PYHIN1: variants seen among roughly 807,000 people sequenced by gnomAD.
PYHIN1 encodes the protein pyrin and HIN domain-containing protein 1.
A neutral mutation model predicts 43.7 loss-of-function variants in PYHIN1; 32 were observed. That is an observed-to-expected ratio of 0.73 (90% CI 0.55 to 0.98). The LOEUF (loss-of-function observed/expected upper bound fraction) is 0.98, where lower values mean the gene tolerates loss of function less well. PYHIN1 is among the 50% of genes least tolerant of loss of function. The pLI is 0.00. For missense variants in PYHIN1, 588 were observed against 589.5 expected (o/e 1.00, Z 0.03); for synonymous variants, 205 against 203.1 (o/e 1.01, Z -0.08).
rs541088329 is a variant in PYHIN1 at position 158,966,352 on chromosome 1, G to A, written c.1360-7295G>A. On this transcript the variant is annotated intron_variant, in intron 7 of 8. Transcript: ENST00000368140. ...AACTATTCAAAAAACTGGGGAGGAG[G>A]GACTCCTCTCCAATTCATTCTATGA... is the stretch of plus-strand genomic sequence containing the variant. 1.4e-4 allele frequency among the ~76,000 whole-genome samples: 22 copies of A among 152,082 alleles called. 1 individual carries two copies. The South Asian group carries it at 4.6e-3, about 31-fold the overall frequency.
chr1:158,986,229 G>T, the PYHIN1 span, among the ~76,000 whole-genome samples: 1 of 152,164 alleles, frequency 6.6e-6, no homozygotes, highest in South Asian at 2.1e-4. Context: ...ATCTGTGTGG[G>T]CTAATATTTT....
intron 7 of PYHIN1, among the ~76,000 whole-genome samples, chr1:158,970,934 A>G (rs1010173975): frequency 6.6e-6 from 1 of 152,050 alleles, no homozygotes; most frequent in African/African-American, 2.4e-5. Flanking sequence ...CCAAGCTAAT[A>G]AAGATAATTA....
At position 158,944,935 on chromosome 1, in the gene PYHIN1, C is replaced by A. The variant is rs1335727051; in HGVS notation, c.1252C>A (p.Gln418Lys). The A allele has an allele frequency of 3.7e-6, 6 of 1,613,636 alleles. No individual in the cohort carries two copies. The highest frequency in any genetic ancestry group is 5.1e-6 in the Non-Finnish European group (6 of 1,179,790). Residue 418 changes from glutamine to lysine, a missense_variant, in exon 7 of 9, where the codon CAG becomes AAG. Transcript: ENST00000368140. ...DSRSMALPQE[Q>K]SQHPKPSEAS... Reference sequence around the variant, plus strand: ...CAGGAGCATGGCACTACCCCAGGAACAGAGTCAGCATCCAAAACCTTCAGA... The same window carrying A: ...CAGGAGCATGGCACTACCCCAGGAAAAGAGTCAGCATCCAAAACCTTCAGA...
chr1:158,936,034 A>C (rs1299911138), intron 1 of PYHIN1, among the ~76,000 whole-genome samples: 1 of 152,070 alleles, frequency 6.6e-6, no homozygotes. Flanking sequence ...TCTTTATCAC[A>C]CATATTCATG....
chr1:158,964,036 A>G (rs1650479482), intron 7 of PYHIN1, among the ~76,000 whole-genome samples: 1 of 152,246 alleles, frequency 6.6e-6, no homozygotes, highest in South Asian at 2.1e-4. Context: ...ATCATAAAAA[A>G]GAACCAAACT....
chr1:158,954,912 C>A (rs1345398388), intron 7 of PYHIN1, among the ~76,000 whole-genome samples: 3 of 149,782 alleles, frequency 2.0e-5, no homozygotes, highest in Non-Finnish European at 4.5e-5. Flanking sequence ...GGAAGATCTA[C>A]CAAGCAAATG....
In PYHIN1 at chr1:158,939,227, C is replaced by T. The variant is rs759007275; in HGVS notation, c.559C>T (p.Pro187Ser). Residue 187 changes from proline (P) to serine (S), a missense_variant, in exon 4 of 9, where the codon CCC becomes TCC. Pro to Ser is a moderately conservative substitution (Grantham distance 74). Coordinates refer to ENST00000368140, the MANE Select transcript of PYHIN1 (RefSeq NM_152501.5). Reference protein sequence around the residue: ...PPPQTSSSAPPNTSSTESLKP... With the variant: ...PPPQTSSSAPSNTSSTESLKP... ...TCCCCAGACCTCATCATCAGCTCCA[C>T]CCAACACTTCCTCAACTGAGGTACA... is the stretch of plus-strand genomic sequence containing the variant. The T allele has an allele frequency of 6.2e-7, 1 of 1,603,176 alleles. No homozygotes were observed. The highest frequency in any genetic ancestry group is 2.2e-5 in the East Asian group (1 of 44,772).
intron 5 of PYHIN1, 25 bp downstream of exon 5, chr1:158,942,424 G>T: frequency 1.3e-6 from 2 of 1,524,258 alleles, no homozygotes; most frequent in South Asian, 2.6e-5. Flanking sequence ...CTATTTTGTG[G>T]CATTTTCTAC....
At chr1:158,975,551 ATT>A (rs1651207279) in intron 8 of PYHIN1, among the ~76,000 whole-genome samples, 1 of 152,094 alleles carries the variant, frequency 6.6e-6, no homozygotes, top group South Asian at 2.1e-4. Context: ...TGAAAACAAT[ATT>A]TTTCTAACTG....
At chr1:158,973,836 C>T in intron 8 of PYHIN1, 65 bp downstream of exon 8, 1 of 1,519,400 alleles carries the variant, frequency 6.6e-7, no homozygotes, top group African/African-American at 1.4e-5. Context: ...TCAGAGTCTT[C>T]AAAGGGATTC....
At chr1:158,962,090 G>A (rs1415596121) in intron 7 of PYHIN1, among the ~76,000 whole-genome samples, 2 of 152,148 alleles carry the variant, frequency 1.3e-5, no homozygotes, top group South Asian at 2.1e-4. Flanking sequence ...CCATTGTCAC[G>A]GCTGCCTTCA....
chr1:158,976,795 A>G lies in PYHIN1; in HGVS notation c.*100A>G. The G allele has an allele frequency of 2.8e-6, 3 of 1,053,770 alleles. No individual in the cohort carries two copies. In the South Asian group the frequency reaches 4.0e-5, roughly 14 times the overall value. 65.3% of individuals were successfully genotyped at this position (1,053,770 alleles called of 1,614,324 possible). On this transcript the variant is annotated 3_prime_UTR_variant, in exon 9 of 9. Transcript: ENST00000368140. ...GTCCTCCACCTAAAAACCTGATGCC[A>G]TTGGTAATGATGTTTATGAAGATAA...
chr1:158,979,390 T>C (rs1306085514), downstream of PYHIN1, among the ~76,000 whole-genome samples: 1 of 152,198 alleles, frequency 6.6e-6, no homozygotes. Flanking sequence ...ATAAGTGGAC[T>C]CATGCAGTAT....
At chr1:158,932,188 C>T (rs551986906) in intron 1 of PYHIN1, among the ~76,000 whole-genome samples, 1 of 152,114 alleles carries the variant, frequency 6.6e-6, no homozygotes, top group Non-Finnish European at 1.5e-5. Context: ...GAGAACATTA[C>T]CCTAAGTGAA....
chr1:158,962,034 G>A (rs559025355), intron 7 of PYHIN1, among the ~76,000 whole-genome samples: 1 of 152,300 alleles, frequency 6.6e-6, no homozygotes, highest in South Asian at 2.1e-4. Flanking sequence ...CCCTGGGTTG[G>A]AGCCCCCAGA....
In PYHIN1 at chr1:158,933,135, A is replaced by G. The variant is rs1009931540; in HGVS notation, c.-21+1359A>G. Among the ~76,000 whole-genome samples the G allele has an allele frequency of 2.6e-5, 4 of 151,836 alleles. No homozygotes were observed. Among genetic ancestry groups the G allele is most frequent in the Admixed American group, 6.6e-5 (1 of 15,244 alleles). On this transcript the variant is annotated intron_variant, in intron 1 of 8. Transcript: ENST00000368140. The surrounding 1 kb of genome is among the most constrained non-coding windows in gnomAD (Gnocchi z 6.3). ...TCTTGTACTCCTCTCAAATTCATATATATAATATATAGATATGCTCACATG... is the reference window on the plus strand; with the variant it reads ...TCTTGTACTCCTCTCAAATTCATATGTATAATATATAGATATGCTCACATG...
chr1:158,980,241 C>A (rs757881238), downstream of PYHIN1, among the ~76,000 whole-genome samples: 28 of 152,102 alleles, frequency 1.8e-4, no homozygotes, highest in Non-Finnish European at 3.2e-4. Context: ...GAGGATGTAT[C>A]TTATCTCAGG....
Position 158,959,904 on chromosome 1 carries a change from AT to A in PYHIN1, c.1360-13742del, listed in dbSNP as rs200992208. 9.1e-3 allele frequency among the ~76,000 whole-genome samples: 1,392 copies of A among 152,294 alleles called. 24 individuals are homozygous for A. Among genetic ancestry groups the A allele is most frequent in the African/African-American group, 0.032 (1,337 of 41,556 alleles). ...CCAGATTACCTTTTCCTCTGACATG[AT>A]GGGGTACTTACCTGCACTCAGGGTT... On this transcript the variant is annotated intron_variant, in intron 7 of 8. Coordinates refer to ENST00000368140, the MANE Select transcript of PYHIN1 (RefSeq NM_152501.5).
chr1:158,949,938 T>C (rs1056963531), intron 7 of PYHIN1, among the ~76,000 whole-genome samples: 2 of 152,210 alleles, frequency 1.3e-5, no homozygotes, highest in African/African-American at 2.4e-5. Flanking sequence ...CAATTGGGTT[T>C]GGGCAGGTAC....
Sources: gnomAD v4.1 joint callset for allele counts (sites outside exome capture counted in the v4.1 genomes callset) on GRCh38, gnomAD v4.1.1 for gene constraint, Gnocchi (gnomAD v3.1) non-coding constraint, MANE v1.5 for transcripts, NCBI Gene and HGNC (gene_info 2026-07-23, HGNC 2026-07-21) for gene names.